The following FER variants were observed in gnomAD, a reference collection of about 807,000 sequenced individuals.
FER encodes FER tyrosine kinase.
Under a neutral mutation model 111.0 loss-of-function variants are expected in FER, and 63 were observed. The ratio of observed to expected loss-of-function variants is 0.57; its 90% CI spans 0.46 to 0.70. The LOEUF is 0.70. FER is among the 30% of genes least tolerant of loss of function. The probability of loss-of-function intolerance (pLI) is 0.00; values close to 1 mark genes in which losing one functional copy is unlikely to be tolerated. For synonymous variants in FER, 327 were observed against 313.9 expected, an observed-to-expected ratio of 1.04 and a Z score of -0.44; for missense variants, 914 against 954.0, an observed-to-expected ratio of 0.96 and a Z score of 0.55.
intron 2 of FER, 90 bp from the exon 3 acceptor site, chr5:108,798,034 C>A: frequency 2.9e-5 from 15 of 508,538 alleles, no homozygotes; most frequent in Middle Eastern, 5.1e-4. Flanking sequence ...TTTTTTTTAA[C>A]CCCAAAGAAG....
intron 1 of FER, among the ~76,000 whole-genome samples, chr5:108,751,047 C>T (rs1022961350): frequency 3.3e-5 from 5 of 152,018 alleles, no homozygotes; most frequent in African/African-American, 9.7e-5. Context: ...ACAAAATTAG[C>T]CGGGCATGGT....
intron 13 of FER, among the ~76,000 whole-genome samples, chr5:109,005,871 A>G (rs1765434592): frequency 6.6e-6 from 1 of 152,244 alleles, no homozygotes; most frequent in African/African-American, 2.4e-5. Context: ...TAATCATTCC[A>G]TTTAAATATT....
chr5:109,050,912 T>C lies in FER; in HGVS notation c.1924+3714T>C, dbSNP rs1447474577. ...AAGATGTTCAGGAAGTATTTATTCCTGGCCAGAATTATTTCAGTTTCTTGG... is the reference window on the plus strand; with the variant it reads ...AAGATGTTCAGGAAGTATTTATTCCCGGCCAGAATTATTTCAGTTTCTTGG... On this transcript the variant is annotated intron_variant, in intron 16 of 19. Transcript: ENST00000281092. 7.2e-5 allele frequency among the ~76,000 whole-genome samples: 11 copies of C among 152,340 alleles called. No homozygotes were observed. The South Asian group carries it at 2.3e-3, about 32-fold the overall frequency.
At chr5:109,153,487 A>G (rs1384000532) in intron 17 of FER, among the ~76,000 whole-genome samples, 1 of 151,940 alleles carries the variant, frequency 6.6e-6, no homozygotes, top group Admixed American at 6.6e-5. Context: ...TTGTATTTTC[A>G]GTAATAAAGT....
intron 17 of FER, among the ~76,000 whole-genome samples, chr5:109,159,992 CAACTTA>C (rs1442577673): frequency 1.3e-5 from 2 of 152,070 alleles, no homozygotes; most frequent in Non-Finnish European, 2.9e-5. Context: ...GTGGGGATCC[CAACTTA>C]AACCTTGTAA....
chr5:108,986,024 T>C (rs1238513356), intron 13 of FER, among the ~76,000 whole-genome samples: 2 of 152,250 alleles, frequency 1.3e-5, no homozygotes, highest in South Asian at 2.1e-4. Context: ...TTGTTTTCCA[T>C]AGTGGTTATA....
In FER at chr5:108,867,864, G is replaced by A. The variant is rs757668323; in HGVS notation, c.579G>A (p.Gln193=). 8 of 1,612,892 alleles carry A rather than the reference G, an allele frequency of 5.0e-6. No homozygotes were observed. The African/African-American group carries it at 8.0e-5, about 16-fold the overall frequency. The part of the protein sequence containing the change: ...NQYVLALKGA[Q]LHQNQYYDIT... ...ATGTATTGGCGTTGAAAGGGGCACAGCTCCATCAGAATCAGTATTATGATA... is the reference window on the plus strand; with the variant it reads ...ATGTATTGGCGTTGAAAGGGGCACAACTCCATCAGAATCAGTATTATGATA... Residue 193 remains glutamine, a synonymous_variant, in exon 6 of 20, where the codon CAG becomes CAA. Transcript: ENST00000281092.
At chr5:108,832,463 T>C (rs1313867521) in intron 3 of FER, among the ~76,000 whole-genome samples, 2 of 152,122 alleles carry the variant, frequency 1.3e-5, no homozygotes, top group Non-Finnish European at 2.9e-5. Context: ...AGTATTTCAG[T>C]GTGCTGGAAA....
At chr5:108,964,184 C>G (rs147706001) in intron 13 of FER, among the ~76,000 whole-genome samples, 1 of 151,868 alleles carries the variant, frequency 6.6e-6, no homozygotes, top group Admixed American at 6.6e-5. Context: ...TATGTTAGAG[C>G]GAATAAATGT....
At chr5:109,011,999 T>C (rs1400511698) in intron 13 of FER, among the ~76,000 whole-genome samples, 1 of 152,196 alleles carries the variant, frequency 6.6e-6, no homozygotes, top group Non-Finnish European at 1.5e-5. Context: ...TTCCCTTTTC[T>C]CCCCAGCAGA....
intron 17 of FER, among the ~76,000 whole-genome samples, chr5:109,113,475 A>G (rs1749868752): frequency 6.6e-6 from 1 of 152,182 alleles, no homozygotes; most frequent in Non-Finnish European, 1.5e-5. Context: ...ACTTTTAAGC[A>G]GTATCTGTGG....
At chr5:108,876,349 C>G (rs1258948312) in intron 8 of FER, among the ~76,000 whole-genome samples, 1 of 152,212 alleles carries the variant, frequency 6.6e-6, no homozygotes, top group African/African-American at 2.4e-5. Context: ...TGATTTCACA[C>G]TACAGTGGCA....
chr5:108,929,060 T>A (rs1330891214), intron 10 of FER, among the ~76,000 whole-genome samples: 1 of 152,128 alleles, frequency 6.6e-6, no homozygotes, highest in Admixed American at 6.5e-5. Flanking sequence ...CCCCCAGATA[T>A]AGACTGTAAA....
At chr5:108,877,537 T>A (rs57719993) in intron 8 of FER, among the ~76,000 whole-genome samples, 34,349 of 152,156 alleles carry the variant, frequency 0.23, 4,075 homozygotes, top group African/African-American at 0.29. Context: ...ATGGTATAGA[T>A]TGTCATCCAT....
intron 16 of FER, chr5:109,051,215 A>T (rs1162090759): frequency 7.6e-6 from 6 of 788,044 alleles, no homozygotes; most frequent in Non-Finnish European, 1.3e-5. Context: ...GTTGAATACC[A>T]CCTCCACCGG....
chr5:108,871,953 T>G, intron 7 of FER, 140 bp from the exon 8 acceptor site: 1 of 826,484 alleles, frequency 1.2e-6, no homozygotes, highest in Non-Finnish European at 1.8e-6. Flanking sequence ...AAACCCAGGA[T>G]TTAGTTTGAT....
intron 17 of FER, among the ~76,000 whole-genome samples, chr5:109,117,455 G>A (rs1230717535): frequency 6.6e-6 from 1 of 152,036 alleles, no homozygotes; most frequent in Non-Finnish European, 1.5e-5. Flanking sequence ...TCATTCTTAT[G>A]TAAAATAAGG....
At chr5:108,956,309 G>A (rs557856004) in intron 12 of FER, among the ~76,000 whole-genome samples, 1 of 151,730 alleles carries the variant, frequency 6.6e-6, no homozygotes, top group African/African-American at 2.4e-5. Context: ...AAGATTGTAG[G>A]TAAAGTATAA....
chr5:108,879,822 G>A (rs899898978), intron 8 of FER, among the ~76,000 whole-genome samples: 5 of 150,606 alleles, frequency 3.3e-5, no homozygotes, highest in Non-Finnish European at 7.4e-5. Context: ...TGATTCTCCT[G>A]CCTCAGCCGC....
Sources: allele counts gnomAD v4.1 joint callset (sites outside exome capture counted in the v4.1 genomes callset), GRCh38; gene constraint gnomAD v4.1.1; transcripts MANE v1.5; gene names NCBI Gene and HGNC (gene_info 2026-07-23, HGNC 2026-07-21).